Variants in ADAM22 observed in about 807,000 individuals in gnomAD.
ADAM22 encodes disintegrin and metalloproteinase domain-containing protein 22.
ADAM22 carries 65 observed loss-of-function variants against 144.6 expected under a neutral mutation model. That is an observed-to-expected ratio of 0.45 (90% confidence interval 0.37 to 0.55). The LOEUF (loss-of-function observed/expected upper bound fraction) is 0.55. Among genes scored for constraint, ADAM22 ranks in the 20% least tolerant of loss-of-function variants. The pLI, the probability that ADAM22 is intolerant of heterozygous loss-of-function variation, is 0.00. For synonymous variants in ADAM22, 391 were observed against 412.6 expected (o/e 0.95, Z 0.63); for missense variants, 974 against 1,184.9 (o/e 0.82, Z 2.61).
intron 30 of ADAM22, among the ~76,000 whole-genome samples, chr7:88,188,898 T>C (rs1230199275): frequency 2.0e-5 from 3 of 152,210 alleles, no homozygotes; most frequent in African/African-American, 7.2e-5. Flanking sequence ...CTCACCATGT[T>C]GCTCAAGCTG....
chr7:88,190,081 G>C (rs191911669), intron 30 of ADAM22, among the ~76,000 whole-genome samples: 1 of 152,224 alleles, frequency 6.6e-6, no homozygotes, highest in Admixed American at 6.5e-5. Flanking sequence ...GTCCTTGGGT[G>C]CAGAACTGAA....
intron 4 of ADAM22, among the ~76,000 whole-genome samples, chr7:88,107,921 GTTCCTCTAA>G (rs1403043871): frequency 6.6e-6 from 1 of 152,042 alleles, no homozygotes; most frequent in African/African-American, 2.4e-5. Flanking sequence ...CTCTTTCTTT[GTTCCTCTAA>G]TATCACCTAC....
chr7:87,973,727 G>A (rs1314863414), intron 2 of ADAM22, among the ~76,000 whole-genome samples: 2 of 152,126 alleles, frequency 1.3e-5, no homozygotes, highest in African/African-American at 4.8e-5. Context: ...AGAAAATGTG[G>A]CACATATACA....
At position 87,935,122 on chromosome 7, in the gene ADAM22, G is replaced by T. The variant is rs773425018; in HGVS notation, c.182G>T (p.Gly61Val). Reference protein sequence around the residue: ...VPLRLIYRSGGEDESRHDALD... With the variant: ...VPLRLIYRSGVEDESRHDALD... ...CTGCGCCTCATCTACCGCTCGGGCG[G>T]CGAAGACGAAAGTCGGCACGACGCG... Residue 61 changes from glycine to valine, a missense_variant, in exon 2 of 32, where the codon GGC (glycine) becomes GTC (valine). Gly to Val is a moderately radical substitution (Grantham distance 109, BLOSUM62 -3). Transcript: ENST00000413139. 5.0e-6 allele frequency: 8 copies of T among 1,613,684 alleles called. No individual in the cohort carries two copies. The highest frequency in any genetic ancestry group is 5.9e-6 in the Non-Finnish European group (7 of 1,179,948).
At chr7:88,170,127 A>AGG in intron 25 of ADAM22, among the ~76,000 whole-genome samples, 1 of 152,150 alleles carries the variant, frequency 6.6e-6, no homozygotes, top group South Asian at 2.1e-4. Flanking sequence ...CAACTTTAAT[A>AGG]AGATCCACTT....
In ADAM22 at chr7:88,130,409, G is replaced by T; in HGVS notation, c.775G>T (p.Val259Phe). 1.2e-6 allele frequency: 2 copies of T among 1,612,572 alleles called. No homozygotes were observed. Among genetic ancestry groups the T allele is most frequent in the South Asian group, 1.1e-5 (1 of 90,930 alleles). Reference sequence around the variant, plus strand: ...TCAGTTTAAAAAACATCGGCTTTCCGTTGTACATACCAATACCTATGCGAA... The same window carrying T: ...TCAGTTTAAAAAACATCGGCTTTCCTTTGTACATACCAATACCTATGCGAA... Reference protein sequence around the residue: ...HLMFKKHRLSVVHTNTYAKSV... With the variant: ...HLMFKKHRLSFVHTNTYAKSV... Residue 259 changes from valine (V) to phenylalanine (F), a missense_variant, in exon 10 of 32, where the codon GTT (valine) becomes TTT (phenylalanine). Coordinates refer to ENST00000413139, the MANE Select transcript of ADAM22 (RefSeq NM_001324418.2).
At chr7:88,139,451 TAAATAAAA>T (rs1375079151) in intron 14 of ADAM22, among the ~76,000 whole-genome samples, 9 of 150,744 alleles carry the variant, frequency 6.0e-5, no homozygotes, top group Non-Finnish European at 5.9e-5. Context: ...AATAAATAAA[TAAATAAAA>T]GGAGGGGCTT....
In ADAM22 at chr7:88,200,326, T is replaced by A. The variant is rs1586700835; in HGVS notation, c.*3835T>A. 6.6e-6 allele frequency: 1 copy of A among 152,376 alleles called. No homozygotes were observed. Among genetic ancestry groups the A allele is most frequent in the East Asian group, 1.9e-4 (1 of 5,196 alleles). 9.4% of individuals were successfully genotyped at this position (152,376 alleles called of 1,614,324 possible). A position where few individuals can be genotyped will look rare whatever the true frequency, so the allele number is the denominator to read the frequency against. ...AAGAAAAGATTATTTTACTTTATTTTACTTAAAGGAAAGAGAATTTATTGG... is the reference window on the plus strand; with the variant it reads ...AAGAAAAGATTATTTTACTTTATTTAACTTAAAGGAAAGAGAATTTATTGG... On this transcript the variant is annotated 3_prime_UTR_variant, in exon 32 of 32. Transcript: ENST00000413139.
At chr7:88,067,851 AG>A (rs1811689949) in intron 3 of ADAM22, among the ~76,000 whole-genome samples, 2 of 152,196 alleles carry the variant, frequency 1.3e-5, no homozygotes, top group African/African-American at 4.8e-5. Flanking sequence ...CTTTAGACAC[AG>A]GGGTACACAG....
At chr7:88,125,481 C>A in intron 7 of ADAM22, 108 bp from the exon 8 acceptor site, 1 of 671,124 alleles carries the variant, frequency 1.5e-6, no homozygotes, top group Non-Finnish European at 2.6e-6. Context: ...TTAAGTGCAA[C>A]ATTATGTATT....
rs12669633 is a variant in ADAM22, at chr7:88,100,475, C to G, written c.391-7701C>G. On this transcript the variant is annotated intron_variant, in intron 4 of 31. Transcript: ENST00000413139. Reference sequence around the variant, plus strand: ...TTTTCTTAGCCTTTAGAATCAGATACTTTTAGAATCAATTATACTCTGTAC... The same window carrying G: ...TTTTCTTAGCCTTTAGAATCAGATAGTTTTAGAATCAATTATACTCTGTAC... 5.6e-3 allele frequency among the ~76,000 whole-genome samples: 848 copies of G among 152,234 alleles called. 11 individuals are homozygous for G. Among genetic ancestry groups the G allele is most frequent in the East Asian group, 0.037 (194 of 5,182 alleles).
chr7:87,957,232 T>C (rs1846997025), intron 2 of ADAM22, among the ~76,000 whole-genome samples: 2 of 152,218 alleles, frequency 1.3e-5, no homozygotes, highest in South Asian at 4.1e-4. Context: ...CTGGCAATAA[T>C]ATTAGGGACA....
intron 22 of ADAM22, among the ~76,000 whole-genome samples, chr7:88,161,738 T>C (rs1230149063): frequency 6.6e-6 from 1 of 151,940 alleles, no homozygotes; most frequent in African/African-American, 2.4e-5. Flanking sequence ...TTAGAGAAAT[T>C]CAAATAAAAA....
chr7:88,013,255 G>A (rs550480806), intron 3 of ADAM22, among the ~76,000 whole-genome samples: 36 of 152,242 alleles, frequency 2.4e-4, no homozygotes, highest in Admixed American at 2.2e-3. Flanking sequence ...GTGGCAGTTT[G>A]CCCTGTGACT....
intron 3 of ADAM22, among the ~76,000 whole-genome samples, chr7:87,979,626 T>G (rs1487033518): frequency 6.6e-6 from 1 of 152,164 alleles, no homozygotes; most frequent in Non-Finnish European, 1.5e-5. Flanking sequence ...TATAGTCTTT[T>G]TCCTACCCCT....
At chr7:88,183,835 T>C (rs73705605) in intron 29 of ADAM22, among the ~76,000 whole-genome samples, 54 of 131,176 alleles carry the variant, frequency 4.1e-4, no homozygotes, top group African/African-American at 1.6e-3. Context: ...TATATATACA[T>C]ATATATATAT....
intron 3 of ADAM22, among the ~76,000 whole-genome samples, chr7:88,013,545 C>T (rs11773839): frequency 0.029 from 4,377 of 152,226 alleles, 88 homozygotes; most frequent in Middle Eastern, 0.071. Context: ...CCGCATCAGC[C>T]TCCTGAGTAG....
At chr7:88,086,610 T>A (rs1345997120) in intron 4 of ADAM22, among the ~76,000 whole-genome samples, 1 of 152,250 alleles carries the variant, frequency 6.6e-6, no homozygotes, top group Non-Finnish European at 1.5e-5. Flanking sequence ...AATTTACTCA[T>A]CTGTTCAGGG....
intron 3 of ADAM22, among the ~76,000 whole-genome samples, chr7:88,001,721 A>T (rs2129456482): frequency 6.6e-6 from 1 of 151,702 alleles, no homozygotes. Context: ...TGTTTTTAGG[A>T]TAGTGGTTAT....
Sources: gnomAD v4.1 joint callset for allele counts (sites outside exome capture counted in the v4.1 genomes callset) on GRCh38, gnomAD v4.1.1 for gene constraint, MANE v1.5 for transcripts, NCBI Gene and HGNC (gene_info 2026-07-23, HGNC 2026-07-21) for gene names.